VGLL4: variants seen among roughly 807,000 people sequenced by gnomAD.
VGLL4 encodes the protein vestigial like family member 4.
VGLL4 carries 7 observed loss-of-function variants against 21.0 expected under a neutral mutation model. That is an observed-to-expected ratio of 0.33 (90% CI 0.19 to 0.63). VGLL4 has a LOEUF of 0.63. Among genes scored for constraint, VGLL4 ranks in the 20% least tolerant of loss-of-function variants. The pLI, the probability that VGLL4 is intolerant of heterozygous loss-of-function variation, is 0.78. For synonymous variants in VGLL4, 222 were observed against 173.2 expected, an observed-to-expected ratio of 1.28 and a Z score of -2.21; for missense variants, 394 against 425.7, an observed-to-expected ratio of 0.93 and a Z score of 0.66.
intron 2 of VGLL4, among the ~76,000 whole-genome samples, chr3:11,580,417 C>T (rs960911616): frequency 6.6e-6 from 1 of 152,212 alleles, no homozygotes; most frequent in African/African-American, 2.4e-5. Context: ...TGGGTTGTTT[C>T]CAACTTTTGG....
chr3:11,679,485 C>G (rs1202375821), intron 2 of VGLL4, among the ~76,000 whole-genome samples: 2 of 152,084 alleles, frequency 1.3e-5, no homozygotes, highest in African/African-American at 4.8e-5. Context: ...GAGATCGAGA[C>G]GAGCCTGGCC....
intron 1 of VGLL4, among the ~76,000 whole-genome samples, chr3:11,631,638 A>T (rs980153868): frequency 1.1e-4 from 17 of 152,166 alleles, no homozygotes; most frequent in African/African-American, 3.9e-4. Context: ...TTTGGGTTTG[A>T]GGTCTCCCAG....
At chr3:11,632,088 C>T (rs1001387760) in intron 1 of VGLL4, among the ~76,000 whole-genome samples, 1 of 152,174 alleles carries the variant, frequency 6.6e-6, no homozygotes, top group African/African-American at 2.4e-5. Flanking sequence ...TTTGGGCAGG[C>T]AGATCGCCTG....
chr3:11,561,372 T>C (rs1292315144), intron 3 of VGLL4, among the ~76,000 whole-genome samples: 1 of 152,156 alleles, frequency 6.6e-6, no homozygotes, highest in Non-Finnish European at 1.5e-5. Context: ...GCTGGCTGAC[T>C]GGTATCAGAC....
chr3:11,559,366 C>G lies in VGLL4; in HGVS notation c.585G>C (p.Ala195=). Residue 195 remains alanine (A), a synonymous_variant, in exon 4 of 5, where the codon GCG becomes GCC. Transcript: ENST00000430365. The stretch of plus-strand genomic sequence containing the variant: ...GCCTCCGGTAGCTGGCAGGCCCGGG[C>G]GCGGCACAGCCGCTGTGCGCGATGG... ...HCPIAHSGCA[A]PGPASYRRPP... is the part of the protein sequence containing the mutation. 2 of 1,551,238 alleles carry G rather than the reference C, an allele frequency of 1.3e-6. No homozygotes were observed. The highest frequency in any genetic ancestry group is 2.4e-5 in the South Asian group (2 of 84,076).
chr3:11,569,867 C>T (rs911749780), intron 2 of VGLL4, among the ~76,000 whole-genome samples: 3 of 152,144 alleles, frequency 2.0e-5, no homozygotes, highest in Admixed American at 2.0e-4. Flanking sequence ...GGTGACAGAG[C>T]AAGACCCTGT....
At chr3:11,664,095 G>A (rs764387403) in intron 2 of VGLL4, among the ~76,000 whole-genome samples, 7 of 151,944 alleles carry the variant, frequency 4.6e-5, no homozygotes, top group Non-Finnish European at 1.0e-4. Flanking sequence ...AAAATTAGCC[G>A]GGCATGCTGG....
intron 1 of VGLL4, among the ~76,000 whole-genome samples, chr3:11,629,251 T>C (rs2075425529): frequency 6.6e-6 from 1 of 152,186 alleles, no homozygotes; most frequent in Non-Finnish European, 1.5e-5. Context: ...CTTTTCCTAT[T>C]CTTTATACAT....
At chr3:11,569,099 G>A (rs1417083434) in intron 2 of VGLL4, among the ~76,000 whole-genome samples, 1 of 152,210 alleles carries the variant, frequency 6.6e-6, no homozygotes, top group African/African-American at 2.4e-5. Flanking sequence ...ATTCCAAGCA[G>A]TGACATTGAA....
chr3:11,645,329 G>A (rs1026285193), upstream of VGLL4, among the ~76,000 whole-genome samples: 4 of 151,746 alleles, frequency 2.6e-5, no homozygotes, highest in Non-Finnish European at 4.4e-5. Context: ...GGTGGCTCAC[G>A]CCTGTAATCC....
intron 2 of VGLL4, among the ~76,000 whole-genome samples, chr3:11,691,041 G>A (rs1436226463): frequency 6.6e-6 from 1 of 151,930 alleles, no homozygotes; most frequent in Non-Finnish European, 1.5e-5. Flanking sequence ...TCTCCACACA[G>A]AGATAATGAT....
In VGLL4 at chr3:11,558,032, AAC is replaced by A. The variant is rs2072601008; in HGVS notation, c.*522_*523del. The A allele has an allele frequency of 1.3e-5, 2 of 157,036 alleles. No homozygotes were observed. The highest frequency in any genetic ancestry group is 2.0e-4 in the South Asian group (1 of 5,124). The allele number at this position is 157,036 out of a possible 1,614,324, so 9.7% of individuals were successfully genotyped here. ...CAGTTTGCCCTCAGAGTTCTGGCAT[AAC>A]ACATAAAGTTGTCAGGCAACTTTAG... On this transcript the variant is annotated 3_prime_UTR_variant, in exon 5 of 5. Transcript: ENST00000430365.
At chr3:11,639,348 A>G (rs1182940259) in intron 1 of VGLL4, among the ~76,000 whole-genome samples, 1 of 152,364 alleles carries the variant, frequency 6.6e-6, no homozygotes, top group East Asian at 1.9e-4. Flanking sequence ...CCAGTGCCAG[A>G]GCAGCACGAA....
upstream of VGLL4, chr3:11,643,955 A>G (rs749636607): frequency 2.5e-4 from 251 of 993,334 alleles, 2 homozygotes; most frequent in Middle Eastern, 3.1e-3. Context: ...CTCTTCCCGC[A>G]GGAGGCCGAG....
rs1437223616 is a variant in VGLL4, at chr3:11,558,621, C to T, written c.826G>A (p.Gly276Ser). Reference protein sequence around the residue: ...SSSPESASRRGQPASPSAHMV... With the variant: ...SSSPESASRRSQPASPSAHMV... Reference sequence around the variant, plus strand: ...TGGGCAGAGGGGCTGGCGGGCTGGCCCCTGCGAGAGGCGGACTCAGGGCTG... The same window carrying T: ...TGGGCAGAGGGGCTGGCGGGCTGGCTCCTGCGAGAGGCGGACTCAGGGCTG... Residue 276 changes from glycine to serine, a missense_variant, in exon 5 of 5, where the codon GGC (glycine) becomes AGC (serine). Coordinates refer to ENST00000430365, the MANE Select transcript of VGLL4 (RefSeq NM_001128219.3). The T allele has an allele frequency of 6.2e-7, 1 of 1,608,426 alleles. No individual in the cohort carries two copies.
intron 1 of VGLL4, chr3:11,626,410 C>T (rs1343305307): frequency 2.2e-6 from 1 of 456,868 alleles, no homozygotes; most frequent in South Asian, 1.5e-5. Flanking sequence ...GTCTTTCATT[C>T]TCCTCTTATT....
At chr3:11,616,380 A>G (rs1331171974) in intron 1 of VGLL4, among the ~76,000 whole-genome samples, 1 of 152,172 alleles carries the variant, frequency 6.6e-6, no homozygotes, top group African/African-American at 2.4e-5. Flanking sequence ...TAACGGTGGT[A>G]CTATTTACAA....
chr3:11,596,334 T>C (rs1367824166), intron 2 of VGLL4, among the ~76,000 whole-genome samples: 1 of 152,254 alleles, frequency 6.6e-6, no homozygotes, highest in African/African-American at 2.4e-5. Context: ...AAATTCATCC[T>C]GTGACTATTA....
chr3:11,633,517 A>C (rs986572052), intron 1 of VGLL4: 5 of 152,264 alleles, frequency 3.3e-5, no homozygotes, highest in African/African-American at 1.2e-4. Flanking sequence ...AAAATACAAA[A>C]AAATTAGCTG....
Sources: gnomAD v4.1 joint callset for allele counts (sites outside exome capture counted in the v4.1 genomes callset) on GRCh38, gnomAD v4.1.1 for gene constraint, MANE v1.5 for transcripts, NCBI Gene and HGNC (gene_info 2026-07-23, HGNC 2026-07-21) for gene names.